MACROH2A1: variants seen among roughly 807,000 people sequenced by gnomAD.
The protein encoded by MACROH2A1 is macroH2A.1 histone, also known as core histone macro-H2A.1.
Under a neutral mutation model 31.6 loss-of-function variants are expected in MACROH2A1, and 2 were observed. That is an observed-to-expected ratio of 0.06 (90% CI 0.03 to 0.20). The LOEUF (loss-of-function observed/expected upper bound fraction) is 0.20, where lower values mean the gene tolerates loss of function less well. Among genes scored for constraint, MACROH2A1 ranks in the 10% least tolerant of loss-of-function variants. The pLI is 1.00. For missense variants in MACROH2A1, 230 were observed against 474.0 expected, an observed-to-expected ratio of 0.49 and a Z score of 4.78; for synonymous variants, 169 against 189.6, an observed-to-expected ratio of 0.89 and a Z score of 0.89.
intron 8 of MACROH2A1, among the ~76,000 whole-genome samples, chr5:135,339,306 T>C (rs980243479): frequency 5.3e-5 from 8 of 152,278 alleles, no homozygotes; most frequent in South Asian, 2.1e-4. Flanking sequence ...ATTGGATGCT[T>C]GTCCCACGGT....
chr5:135,351,100 C>T, intron 6 of MACROH2A1: 1 of 471,928 alleles, frequency 2.1e-6, no homozygotes, highest in East Asian at 3.2e-5. Context: ...GGAGGAATAT[C>T]AAATGTGACA....
At chr5:135,351,427 G>A (rs1472599547) in intron 6 of MACROH2A1, 1 of 155,494 alleles carries the variant, frequency 6.4e-6, no homozygotes, top group African/African-American at 2.4e-5. Context: ...CCAGAGAACA[G>A]TATTGATATA....
At chr5:135,342,498 G>C (rs1265065691) in intron 8 of MACROH2A1, among the ~76,000 whole-genome samples, 1 of 152,176 alleles carries the variant, frequency 6.6e-6, no homozygotes, top group African/African-American at 2.4e-5. Context: ...AGGTATTGTG[G>C]GGGTTGCCCT....
Position 135,398,688 on chromosome 5 carries a change from A to C in MACROH2A1, c.-34+374T>G, listed in dbSNP as rs987454379. ...GTGCCCAGGCCCAGACTGCCTAGCC[A>C]GCGCCGCGGGGCCTCCTGCGGCCTC... On this transcript the variant is annotated intron_variant, in intron 1 of 8. Coordinates refer to ENST00000511689, the MANE Select transcript of MACROH2A1 (RefSeq NM_138610.3). This position sits in a 1 kb window ranked among gnomAD's most constrained non-coding sequence, Gnocchi z 4.6. 2.0e-5 allele frequency among the ~76,000 whole-genome samples: 3 copies of C among 152,090 alleles called. No homozygotes were observed. The highest frequency in any genetic ancestry group is 7.2e-5 in the African/African-American group (3 of 41,428).
intron 4 of MACROH2A1, among the ~76,000 whole-genome samples, chr5:135,365,018 C>G (rs1009731029): frequency 6.6e-6 from 1 of 152,074 alleles, no homozygotes; most frequent in Non-Finnish European, 1.5e-5. Context: ...TTGAAAAAAT[C>G]CCTGGTGAGA....
At chr5:135,387,694 G>A (rs1395446519) in intron 2 of MACROH2A1, among the ~76,000 whole-genome samples, 1 of 152,118 alleles carries the variant, frequency 6.6e-6, no homozygotes, top group East Asian at 1.9e-4. Flanking sequence ...AGTCCTTTAT[G>A]CTTTGAGGCC....
chr5:135,362,592 C>T (rs1445039779), intron 4 of MACROH2A1: 1 of 152,112 alleles, frequency 6.6e-6, no homozygotes, highest in Non-Finnish European at 1.5e-5. Context: ...TAATATTCAT[C>T]TGAGGATACC....
At position 135,363,578 on chromosome 5, in the gene MACROH2A1, T is replaced by C. The variant is rs903942602; in HGVS notation, c.478-2971A>G. Among the ~76,000 whole-genome samples, 17 of 152,360 alleles carry C rather than the reference T, an allele frequency of 1.1e-4. 1 individual carries two copies. The Middle Eastern group carries it at 0.024, about 213-fold the overall frequency. ...CATATTTTCTTAATCCAGTCTATCATTGATGGAAATTTGGGTTGGTTCCGA... is the reference window on the plus strand; with the variant it reads ...CATATTTTCTTAATCCAGTCTATCACTGATGGAAATTTGGGTTGGTTCCGA... On this transcript the variant is annotated intron_variant, in intron 4 of 8. Transcript: ENST00000511689.
rs1050549108 is a variant in MACROH2A1, at chr5:135,386,849, ACT to A, written c.172+2071_172+2072del. ...GAGAAAGCTAGATGGAAGAAATGACACTGAGGTTGTACTTGACCTAATGATGG... is the reference window on the plus strand; with the variant it reads ...GAGAAAGCTAGATGGAAGAAATGACAGAGGTTGTACTTGACCTAATGATGG... On this transcript the variant is annotated intron_variant, in intron 2 of 8. Transcript: ENST00000511689. Among the ~76,000 whole-genome samples the A allele has an allele frequency of 1.2e-4, 18 of 152,210 alleles. 1 individual carries two copies. Among genetic ancestry groups the A allele is most frequent in the Admixed American group, 1.0e-3 (16 of 15,286 alleles).
At chr5:135,378,525 C>G (rs72804123) in intron 2 of MACROH2A1, among the ~76,000 whole-genome samples, 1 of 152,194 alleles carries the variant, frequency 6.6e-6, no homozygotes, top group Non-Finnish European at 1.5e-5. Flanking sequence ...GTGTCTTCAT[C>G]GAGCCAGCCT....
chr5:135,356,997 C>G (rs996895121), intron 5 of MACROH2A1: 1 of 152,184 alleles, frequency 6.6e-6, no homozygotes, highest in East Asian at 1.9e-4. Context: ...TTCACTTCAA[C>G]GAGGGGAATG....
rs1165426818 is a variant in MACROH2A1, at chr5:135,343,739, A to AAACTC, written c.779-310_779-306dup. 2.6e-5 allele frequency: 10 copies of AAACTC among 387,706 alleles called. No individual in the cohort carries two copies. The East Asian group carries it at 5.0e-4, about 19-fold the overall frequency. 24.0% of individuals were successfully genotyped at this position (387,706 alleles called of 1,614,324 possible). On this transcript the variant is annotated intron_variant, in intron 7 of 8. Transcript: ENST00000511689. ...CCCAGAGGCAGAGCCTTATCCATCA[A>AAACTC]AACTCAACTGAACGCAAACTCAACG...
intron 2 of MACROH2A1, among the ~76,000 whole-genome samples, chr5:135,381,423 C>T (rs1267234450): frequency 6.6e-6 from 1 of 151,744 alleles, no homozygotes; most frequent in Non-Finnish European, 1.5e-5. Context: ...TTAAATAAAA[C>T]TTAAAATGAA....
At chr5:135,358,631 T>C (rs778767628) in intron 5 of MACROH2A1, 78 of 981,204 alleles carry the variant, frequency 7.9e-5, no homozygotes, top group Non-Finnish European at 9.0e-5. Context: ...AAAGTCAAGA[T>C]AAGCACATTA....
At chr5:135,342,718 CATTAGCAG>C (rs1760107875) in intron 8 of MACROH2A1, among the ~76,000 whole-genome samples, 1 of 152,184 alleles carries the variant, frequency 6.6e-6, no homozygotes, top group African/African-American at 2.4e-5. Flanking sequence ...CCCATTACCT[CATTAGCAG>C]GCCAGCAGGG....
intron 5 of MACROH2A1, chr5:135,355,269 C>G (rs537750090): frequency 2.5e-4 from 114 of 456,070 alleles, no homozygotes; most frequent in African/African-American, 2.0e-3. Flanking sequence ...ATGGAGAATT[C>G]TCAGCTTCCT....
intron 4 of MACROH2A1, among the ~76,000 whole-genome samples, chr5:135,365,884 G>C (rs1050318362): frequency 1.3e-5 from 2 of 152,322 alleles, no homozygotes; most frequent in Non-Finnish European, 1.5e-5. Flanking sequence ...TTGTAGAAGG[G>C]TGATGATATG....
chr5:135,341,350 G>A (rs1390143303), intron 8 of MACROH2A1, among the ~76,000 whole-genome samples: 1 of 152,220 alleles, frequency 6.6e-6, no homozygotes, highest in Non-Finnish European at 1.5e-5. Context: ...AGGGAAGGGG[G>A]AGGCAAGCCT....
At chr5:135,375,943 C>T (rs2149879725) in intron 2 of MACROH2A1, among the ~76,000 whole-genome samples, 1 of 152,284 alleles carries the variant, frequency 6.6e-6, no homozygotes, top group South Asian at 2.1e-4. Context: ...TCTGACCACA[C>T]CACAACCTCC....
Sources: gnomAD v4.1 joint callset for allele counts (sites outside exome capture counted in the v4.1 genomes callset) on GRCh38, gnomAD v4.1.1 for gene constraint, Gnocchi (gnomAD v3.1) non-coding constraint, MANE v1.5 for transcripts, NCBI Gene and HGNC (gene_info 2026-07-23, HGNC 2026-07-21) for gene names.